Variants in NR2F2 observed in about 807,000 individuals in gnomAD.
NR2F2 encodes nuclear receptor subfamily 2 group F member 2.
A neutral mutation model predicts 34.8 loss-of-function variants in NR2F2; 2 were observed. That is an observed-to-expected ratio of 0.06 (90% CI 0.02 to 0.18). The LOEUF (loss-of-function observed/expected upper bound fraction) is 0.18. Ranked by LOEUF, NR2F2 falls within the 10% of genes least tolerant of loss-of-function variation. The pLI is 1.00. For missense variants in NR2F2, 300 were observed against 580.1 expected (o/e 0.52, Z 4.96); for synonymous variants, 274 against 251.8 (o/e 1.09, Z -0.84).
Position 96,331,079 on chromosome 15 carries a change from G to GGCGACAGCA in NR2F2, c.-1024_-1023insACAGCAGCG. ...CAGCAGCAGCAGCAGCGGCTCCGGC[G>GGCGACAGCA]GCGGCAGCAGCGGCAGCAGCGACTT... On this transcript the variant is annotated 5_prime_UTR_variant, in exon 1 of 3. Coordinates refer to ENST00000394166, the MANE Select transcript of NR2F2 (RefSeq NM_021005.4). 1 of 1,235,960 alleles carries GGCGACAGCA rather than the reference G, an allele frequency of 8.1e-7. No homozygotes were observed. The highest frequency in any genetic ancestry group is 1.0e-6 in the Non-Finnish European group (1 of 992,846). 76.6% of individuals were successfully genotyped at this position (1,235,960 alleles called of 1,614,324 possible).
upstream of NR2F2, among the ~76,000 whole-genome samples, chr15:96,327,730 C>T (rs1899030458): frequency 6.6e-6 from 1 of 152,182 alleles, no homozygotes; most frequent in South Asian, 2.1e-4. Flanking sequence ...GAGTTAAACT[C>T]GGCATTTGCT....
intron 2 of NR2F2, among the ~76,000 whole-genome samples, chr15:96,334,931 G>A (rs1448211429): frequency 1.3e-5 from 2 of 152,226 alleles, no homozygotes; most frequent in Non-Finnish European, 2.9e-5. Context: ...GGCCCCCCGG[G>A]CCTGCTGGGC....
At position 96,332,339 on chromosome 15, in the gene NR2F2, G is replaced by C. The variant is rs753715153; in HGVS notation, c.234G>C (p.Glu78Asp). ...AGCAGCAGCAGCAGCAACACATCGA[G>C]TGCGTGGTGTGCGGAGACAAGTCGA... ...SDKQQQQQHI[E>D]CVVCGDKSSG... The change falls in exon 1 of 3, where the codon GAG (glutamate) becomes GAC (aspartate). Residue 78 changes from glutamate to aspartate, a missense_variant. This residue lies in a region of NR2F2 where 13 missense variants were observed against 31.9 expected (regional missense o/e 0.41). Transcript: ENST00000394166. 1 of 1,605,980 alleles carries C rather than the reference G, an allele frequency of 6.2e-7. No individual in the cohort carries two copies. Among genetic ancestry groups the C allele is most frequent in the South Asian group, 1.1e-5 (1 of 89,846 alleles).
At chr15:96,336,758 C>T (rs1405425060) in intron 2 of NR2F2, among the ~76,000 whole-genome samples, 1 of 151,990 alleles carries the variant, frequency 6.6e-6, no homozygotes, top group Non-Finnish European at 1.5e-5. Context: ...TGCATGGCTG[C>T]CCTTCAATAG....
chr15:96,334,691 A>G (rs927244048), intron 2 of NR2F2, 88 bp downstream of exon 2: 18 of 1,438,582 alleles, frequency 1.3e-5, no homozygotes, highest in Middle Eastern at 1.8e-4. Context: ...GGGCAAACCC[A>G]GTCTGCTCCT....
At chr15:96,334,660 C>T (rs1215146404) in intron 2 of NR2F2, 57 bp downstream of exon 2, 24 of 1,524,614 alleles carry the variant, frequency 1.6e-5, no homozygotes, top group Admixed American at 4.3e-5. Flanking sequence ...AGCTGGGGCC[C>T]AGAGAACTTG....
chr15:96,334,086 G>A lies in NR2F2; in HGVS notation c.453G>A (p.Arg151=). Residue 151 remains arginine, a synonymous_variant, in exon 2 of 3, where the codon AGG becomes AGA. Transcript: ENST00000394166. Reference sequence around the variant, plus strand: ...CTTTCCTCCCCGCAGCGGTGCAGAGGGGCAGGATGCCGCCGACCCAGCCGA... The same window carrying A: ...CTTTCCTCCCCGCAGCGGTGCAGAGAGGCAGGATGCCGCCGACCCAGCCGA... ...KVGMRREAVQ[R]GRMPPTQPTH... 1.2e-6 allele frequency: 2 copies of A among 1,612,898 alleles called. No individual in the cohort carries two copies. The highest frequency in any genetic ancestry group is 2.2e-5 in the East Asian group (1 of 44,860).
upstream of NR2F2, chr15:96,326,113 T>A: frequency 1.6e-6 from 1 of 617,872 alleles, no homozygotes; most frequent in Non-Finnish European, 2.9e-6. This position sits in a 1 kb window ranked among gnomAD's most constrained non-coding sequence, Gnocchi z 5.5. Flanking sequence ...TTCCTTGAGG[T>A]GGAAGATCTC....
rs118023940 is a variant in NR2F2, at chr15:96,339,178, G to T, written c.*1556G>T. 6.6e-6 allele frequency: 1 copy of T among 151,978 alleles called. No homozygotes were observed. Among genetic ancestry groups the T allele is most frequent in the Non-Finnish European group, 1.5e-5 (1 of 67,998 alleles). 9.4% of individuals were successfully genotyped at this position (151,978 alleles called of 1,614,324 possible). A position where few individuals can be genotyped will look rare whatever the true frequency, so the allele number is the denominator to read the frequency against. On this transcript the variant is annotated 3_prime_UTR_variant, in exon 3 of 3. Coordinates refer to ENST00000394166, the MANE Select transcript of NR2F2 (RefSeq NM_021005.4). ...TGTGAAAAAGTATTAGAAATCTTGAGATCAGTATCTATTTTATGATCAGAA... is the reference window on the plus strand; with the variant it reads ...TGTGAAAAAGTATTAGAAATCTTGATATCAGTATCTATTTTATGATCAGAA...
Position 96,334,553 on chromosome 15 carries a change from T to C in NR2F2, c.920T>C (p.Val307Ala). The change falls in exon 2 of 3, where the codon GTT becomes GCT. Residue 307 changes from valine (V) to alanine (A), a missense_variant. Transcript: ENST00000394166. ...GTGGAGAAGCTCAAGGCGCTGCACG[T>C]TGACTCAGCCGAGTACAGCTGCCTC... ...EQVEKLKALHVDSAEYSCLKA... is the reference protein window; with the variant it reads ...EQVEKLKALHADSAEYSCLKA... 1 of 1,613,042 alleles carries C rather than the reference T, an allele frequency of 6.2e-7. No homozygotes were observed. Among genetic ancestry groups the C allele is most frequent in the Non-Finnish European group, 8.5e-7 (1 of 1,179,788 alleles).
intron 2 of NR2F2, 145 bp from the exon 3 acceptor site, chr15:96,337,203 T>C: frequency 7.1e-6 from 4 of 566,166 alleles, no homozygotes; most frequent in South Asian, 4.3e-5. Flanking sequence ...TTGCTCCAAC[T>C]CCGGTTGGGG....
chr15:96,333,932 C>T, intron 1 of NR2F2, 144 bp from the exon 2 acceptor site: 1 of 1,487,780 alleles, frequency 6.7e-7, no homozygotes, highest in South Asian at 1.3e-5. Flanking sequence ...AGCCTGGCGA[C>T]TCCAGCTCTG....
chr15:96,338,135 AAATAT>A lies in NR2F2; in HGVS notation c.*515_*519del, dbSNP rs1899390199. 6.5e-6 allele frequency: 1 copy of A among 152,860 alleles called. No homozygotes were observed. Among genetic ancestry groups the A allele is most frequent in the African/African-American group, 2.4e-5 (1 of 41,434 alleles). The allele number at this position is 152,860 out of a possible 1,614,324, so 9.5% of individuals were successfully genotyped here. On this transcript the variant is annotated 3_prime_UTR_variant, in exon 3 of 3. Coordinates refer to ENST00000394166, the MANE Select transcript of NR2F2 (RefSeq NM_021005.4). ...GCTTCTTAAAAACTGTGTATCATTA[AAATAT>A]ATGTTCTGCAAGAATTAAAACTGAG...
Position 96,332,657 on chromosome 15 carries a change from T to C in NR2F2, c.442+110T>C, listed in dbSNP as rs1045116361. 2.1e-5 allele frequency: 31 copies of C among 1,476,204 alleles called. No homozygotes were observed. The African/African-American group carries it at 3.9e-4, about 19-fold the overall frequency. 91.4% of individuals were successfully genotyped at this position (1,476,204 alleles called of 1,614,324 possible). Reference sequence around the variant, plus strand: ...GAAGCCCCAAGCTCTTCTCTTCGTATTGCAGCGGAAAAGGGTTTTATACTA... The same window carrying C: ...GAAGCCCCAAGCTCTTCTCTTCGTACTGCAGCGGAAAAGGGTTTTATACTA... On this transcript the variant is annotated intron_variant, in intron 1 of 2. Transcript: ENST00000394166.
chr15:96,338,711 C>T lies in NR2F2; in HGVS notation c.*1089C>T, dbSNP rs1899408064. On this transcript the variant is annotated 3_prime_UTR_variant, in exon 3 of 3. Transcript: ENST00000394166. ...TTTTTAAGTGCAACATTTCTGTATA[C>T]TGTAAAAGTTATAATAACTGAACTG... 1 of 152,080 alleles carries T rather than the reference C, an allele frequency of 6.6e-6. No homozygotes were observed. The highest frequency in any genetic ancestry group is 6.6e-5 in the Admixed American group (1 of 15,218). The allele number at this position is 152,080 out of a possible 1,614,324, so 9.4% of individuals were successfully genotyped here. A position where few individuals can be genotyped will look rare whatever the true frequency, so the allele number is the denominator to read the frequency against.
At chr15:96,328,384 G>A (rs1486047216), upstream of NR2F2, among the ~76,000 whole-genome samples, 1 of 152,194 alleles carries the variant, frequency 6.6e-6, no homozygotes, top group Admixed American at 6.5e-5. Context: ...AAGGTAATCT[G>A]CTATGGAAGT....
At chr15:96,330,675 T>C (rs1301298360), upstream of NR2F2, 2 of 167,540 alleles carry the variant, frequency 1.2e-5, no homozygotes, top group Non-Finnish European at 2.5e-5. Flanking sequence ...GTTCACTATA[T>C]AGAGAGCTCA....
rs922891057 is a variant in NR2F2, at chr15:96,338,507, C to T, written c.*885C>T. The T allele has an allele frequency of 6.6e-6, 1 of 152,520 alleles. No homozygotes were observed. Among genetic ancestry groups the T allele is most frequent in the Non-Finnish European group, 1.5e-5 (1 of 68,028 alleles). 9.4% of individuals were successfully genotyped at this position (152,520 alleles called of 1,614,324 possible). A position where few individuals can be genotyped will look rare whatever the true frequency, so the allele number is the denominator to read the frequency against. On this transcript the variant is annotated 3_prime_UTR_variant, in exon 3 of 3. Transcript: ENST00000394166. ...TTAGTTCTTGAATTGTTATGAAAAT[C>T]CTATATCTGTTTGTATATTTGCAAA...
intron 2 of NR2F2, among the ~76,000 whole-genome samples, 199 bp from the exon 3 acceptor site, chr15:96,337,149 C>A (rs770178449): frequency 1.4e-4 from 22 of 151,874 alleles, no homozygotes; most frequent in Non-Finnish European, 2.1e-4. Flanking sequence ...GCTCTTTCTT[C>A]CCCCACCCCG....
Sources: gnomAD v4.1 joint callset for allele counts (sites outside exome capture counted in the v4.1 genomes callset) on GRCh38, gnomAD v4.1.1 for gene constraint, gnomAD v4.1.1 regional missense constraint, Gnocchi (gnomAD v3.1) non-coding constraint, MANE v1.5 for transcripts, NCBI Gene and HGNC (gene_info 2026-07-23, HGNC 2026-07-21) for gene names.